The following POM121C variants were observed in gnomAD, a reference collection of about 807,000 sequenced individuals.
The protein encoded by POM121C is nuclear envelope pore membrane protein POM 121C.
Under a neutral mutation model 66.4 loss-of-function variants are expected in POM121C, and 20 were observed. That is an observed-to-expected ratio of 0.30 (90% CI 0.21 to 0.44). POM121C has a LOEUF of 0.44. Ranked by LOEUF, POM121C falls within the 20% of genes least tolerant of loss-of-function variation. The probability of loss-of-function intolerance (pLI) is 1.00; values close to 1 mark genes in which losing one functional copy is unlikely to be tolerated. For missense variants in POM121C, 580 were observed against 1,225.7 expected (o/e 0.47, Z 7.87); for synonymous variants, 286 against 528.0 (o/e 0.54, Z 6.28).
At chr7:75,450,175 T>C (rs1367282962) in intron 3 of POM121C, among the ~76,000 whole-genome samples, 1 of 152,366 alleles carries the variant, frequency 6.6e-6, no homozygotes, top group African/African-American at 2.4e-5. Context: ...TCTAGAACTG[T>C]GAGAAAATAA....
chr7:75,452,964 G>A (rs1791075308), intron 3 of POM121C, among the ~76,000 whole-genome samples: 1 of 152,170 alleles, frequency 6.6e-6, no homozygotes, highest in South Asian at 2.1e-4. Flanking sequence ...AACGGATCAA[G>A]CTAGGAAGCA....
At chr7:75,442,596 C>T (rs1554474245) in intron 3 of POM121C, 1 of 1,491,834 alleles carries the variant, frequency 6.7e-7, no homozygotes, top group Non-Finnish European at 8.9e-7. Context: ...AGGAGGCCGA[C>T]CAGCGACAGG....
chr7:75,452,353 G>C lies in POM121C; in HGVS notation c.-151-10706C>G, dbSNP rs1437842603. On this transcript the variant is annotated intron_variant, in intron 3 of 14. Coordinates refer to ENST00000615331, the MANE Select transcript of POM121C (RefSeq NM_001099415.3). ...TGCACACCTGTAATCCCAGCTACTA[G>C]GGAGGATGAGGCAGAAGAATCACTT... Among the ~76,000 whole-genome samples, 14 of 152,048 alleles carry C rather than the reference G, an allele frequency of 9.2e-5. 1 individual carries two copies. Among genetic ancestry groups the C allele is most frequent in the African/African-American group, 2.2e-4 (9 of 41,400 alleles).
At chr7:75,431,097 AAAAAG>A (rs1790158174) in intron 7 of POM121C, among the ~76,000 whole-genome samples, 1 of 150,846 alleles carries the variant, frequency 6.6e-6, no homozygotes, top group African/African-American at 2.4e-5. Flanking sequence ...AAAAAAAAAA[AAAAAG>A]AGCCAAGAAA....
At chr7:75,479,563 C>T (rs1488147282) in intron 1 of POM121C, among the ~76,000 whole-genome samples, 3 of 146,878 alleles carry the variant, frequency 2.0e-5, no homozygotes, top group East Asian at 1.9e-4. Flanking sequence ...TTGCAGTGGG[C>T]CAAGATAGCA....
Position 75,442,877 on chromosome 7 carries a change from C to A in POM121C, c.-151-1230G>T. On this transcript the variant is annotated intron_variant, in intron 3 of 14. Transcript: ENST00000615331. ...AGCTGTTTTGGAAAATGCTGCCTGC[C>A]TTCAACGCCTGTTTCTGACTCTTGC... The A allele has an allele frequency of 1.8e-5, 15 of 841,014 alleles. No individual in the cohort carries two copies. The South Asian group carries it at 8.0e-4, about 45-fold the overall frequency. 52.1% of individuals were successfully genotyped at this position (841,014 alleles called of 1,614,324 possible). A position where few individuals can be genotyped will look rare whatever the true frequency, so the allele number is the denominator to read the frequency against.
chr7:75,452,474 T>C (rs1791053445), intron 3 of POM121C, among the ~76,000 whole-genome samples: 4 of 152,138 alleles, frequency 2.6e-5, no homozygotes. Context: ...AAACAGTGCA[T>C]GTTGGCTAGT....
intron 3 of POM121C, among the ~76,000 whole-genome samples, chr7:75,464,358 G>A (rs1554477446): frequency 6.6e-6 from 1 of 152,278 alleles, no homozygotes; most frequent in African/African-American, 2.4e-5. Context: ...AGCACTTTGG[G>A]AGGCTGAGGC....
intron 3 of POM121C, among the ~76,000 whole-genome samples, chr7:75,450,720 T>G (rs1481745132): frequency 3.3e-5 from 5 of 152,232 alleles, no homozygotes; most frequent in African/African-American, 1.2e-4. Flanking sequence ...TCACTAAACG[T>G]ATGTACTACT....
At chr7:75,470,165 T>C (rs1554478441) in intron 3 of POM121C, among the ~76,000 whole-genome samples, 1 of 131,980 alleles carries the variant, frequency 7.6e-6, no homozygotes, top group African/African-American at 2.7e-5. Context: ...CCCAAAGTGC[T>C]AGGGTTACAG....
In POM121C at chr7:75,476,129, T is replaced by A. The variant is rs587694820; in HGVS notation, c.-457-941A>T. On this transcript the variant is annotated intron_variant, in intron 1 of 14. Coordinates refer to ENST00000615331, the MANE Select transcript of POM121C (RefSeq NM_001099415.3). ...AACCTTATCTCTGCTAAAAATAAAA[T>A]TTTTTTAAAAAATTGGCTGGGCATC... Among the ~76,000 whole-genome samples the A allele has an allele frequency of 3.4e-3, 520 of 151,432 alleles. 3 individuals carry two copies. The highest frequency in any genetic ancestry group is 3.7e-3 in the East Asian group (19 of 5,184).
At chr7:75,448,044 CCAAA>C (rs773617124) in intron 3 of POM121C, among the ~76,000 whole-genome samples, 38 of 147,012 alleles carry the variant, frequency 2.6e-4, no homozygotes, top group African/African-American at 7.7e-4. Flanking sequence ...AAAAAACCAA[CCAAA>C]CAAACAAACA....
At chr7:75,452,242 G>GACAGGC (rs1317014069) in intron 3 of POM121C, among the ~76,000 whole-genome samples, 1 of 151,740 alleles carries the variant, frequency 6.6e-6, no homozygotes, top group African/African-American at 2.4e-5. Context: ...CGGATCACCT[G>GACAGGC]AGGTCAGGAG....
chr7:75,478,232 G>T (rs1792166490), intron 1 of POM121C, among the ~76,000 whole-genome samples: 1 of 152,176 alleles, frequency 6.6e-6, no homozygotes, highest in Non-Finnish European at 1.5e-5. Flanking sequence ...TGTTGTTGTT[G>T]CTGTGATTAC....
At chr7:75,435,243 T>C (rs782421242) in intron 7 of POM121C, among the ~76,000 whole-genome samples, 81 of 152,338 alleles carry the variant, frequency 5.3e-4, no homozygotes, top group Non-Finnish European at 9.7e-4. Context: ...TGTACTGCTA[T>C]GGAATGACGT....
intron 3 of POM121C, among the ~76,000 whole-genome samples, chr7:75,460,813 T>G (rs1306457000): frequency 2.0e-5 from 3 of 152,156 alleles, no homozygotes; most frequent in Non-Finnish European, 4.4e-5. Context: ...AACCATGGGT[T>G]CTGCACCTTG....
rs1156371474 is a variant in POM121C at position 75,417,284 on chromosome 7, G to C, written c.*1512C>G. Reference sequence around the variant, plus strand: ...GCTCTAGTCCCCCAGGAAAGCTGCCGGGGACAGCATTTGAGCCTCTTCTTT... The same window carrying C: ...GCTCTAGTCCCCCAGGAAAGCTGCCCGGGACAGCATTTGAGCCTCTTCTTT... On this transcript the variant is annotated 3_prime_UTR_variant, in exon 15 of 15. Coordinates refer to ENST00000615331, the MANE Select transcript of POM121C (RefSeq NM_001099415.3). The C allele has an allele frequency of 3.5e-6, 3 of 858,878 alleles. No individual in the cohort carries two copies. In the African/African-American group the frequency reaches 5.5e-5, roughly 16 times the overall value. The allele number at this position is 858,878 out of a possible 1,614,324, so 53.2% of individuals were successfully genotyped here.
intron 7 of POM121C, among the ~76,000 whole-genome samples, chr7:75,437,010 T>C (rs587626294): frequency 1.3e-5 from 2 of 152,354 alleles, no homozygotes; most frequent in Admixed American, 1.3e-4. Context: ...CAAAAAATCA[T>C]GACCACTTGT....
chr7:75,458,390 G>A (rs1213763042), intron 3 of POM121C, among the ~76,000 whole-genome samples: 15 of 152,186 alleles, frequency 9.9e-5, no homozygotes, highest in African/African-American at 1.9e-4. Context: ...TCAGCTGGGC[G>A]TGGTAGTGTG....
Sources: gnomAD v4.1 joint callset for allele counts (sites outside exome capture counted in the v4.1 genomes callset) on GRCh38, gnomAD v4.1.1 for gene constraint, MANE v1.5 for transcripts, NCBI Gene and HGNC (gene_info 2026-07-23, HGNC 2026-07-21) for gene names.